Variants in KLRG1 observed in about 807,000 individuals in gnomAD.
The protein encoded by KLRG1 is killer cell lectin like receptor G1.
Under a neutral mutation model 21.8 loss-of-function variants are expected in KLRG1, and 16 were observed. The ratio of observed to expected loss-of-function variants is 0.73; its 90% confidence interval spans 0.50 to 1.11. The LOEUF is 1.11. KLRG1 is among the 50% of genes most tolerant of loss of function. The pLI is 0.00. For synonymous variants in KLRG1, 69 were observed against 75.9 expected, an observed-to-expected ratio of 0.91 and a Z score of 0.47; for missense variants, 173 against 218.3, an observed-to-expected ratio of 0.79 and a Z score of 1.31.
At chr12:9,040,124 G>A in the KLRG1 span, among the ~76,000 whole-genome samples, 1 of 152,168 alleles carries the variant, frequency 6.6e-6, no homozygotes, top group African/African-American at 2.4e-5. Flanking sequence ...CTGAAAAGTA[G>A]GAGAGAAGTA....
the KLRG1 span, chr12:9,074,680 C>T: frequency 6.2e-7 from 1 of 1,613,948 alleles, no homozygotes; most frequent in Non-Finnish European, 8.5e-7. Context: ...AAGCGAGGAG[C>T]ACATAGGATG....
At chr12:9,089,815 A>G in the KLRG1 span, 1 of 914,598 alleles carries the variant, frequency 1.1e-6, no homozygotes. Context: ...ATACATGAGA[A>G]TAATATTATA....
the KLRG1 span, among the ~76,000 whole-genome samples, chr12:9,171,894 T>C: frequency 3.3e-5 from 5 of 152,020 alleles, no homozygotes; most frequent in Non-Finnish European, 5.9e-5. Context: ...ACAGGGAGAA[T>C]GGAACCAAGT....
At chr12:9,095,771 G>C in the KLRG1 span, 2 of 656,692 alleles carry the variant, frequency 3.0e-6, no homozygotes, top group Non-Finnish European at 4.2e-6. Context: ...TTTTTTTTTT[G>C]AGACGGAGTC....
At chr12:9,203,743 A>T in the KLRG1 span, 1 of 1,612,962 alleles carries the variant, frequency 6.2e-7, no homozygotes, top group African/African-American at 1.3e-5. Context: ...AAGCAGGGAT[A>T]GCCAGCTGGC....
the KLRG1 span, among the ~76,000 whole-genome samples, chr12:9,172,333 C>T: frequency 6.6e-6 from 1 of 152,154 alleles, no homozygotes; most frequent in African/African-American, 2.4e-5. Flanking sequence ...GCAAGAGCTC[C>T]TGAAGAAAGC....
At chr12:9,057,516 T>TA in the KLRG1 span, 2 of 152,328 alleles carry the variant, frequency 1.3e-5, no homozygotes, top group African/African-American at 4.8e-5. Flanking sequence ...CTATATAAAG[T>TA]AAAAAAGAAA....
At chr12:9,026,613 A>G in the KLRG1 span, among the ~76,000 whole-genome samples, 9 of 151,926 alleles carry the variant, frequency 5.9e-5, 1 homozygote, top group African/African-American at 2.4e-5. Context: ...TAAGTTAGTT[A>G]TTTGTATTTC....
At chr12:9,123,053 C>T in the KLRG1 span, among the ~76,000 whole-genome samples, 4 of 151,968 alleles carry the variant, frequency 2.6e-5, no homozygotes, top group African/African-American at 9.7e-5. Context: ...GAAAATAAAA[C>T]ATGTTAATTT....
chr12:9,137,772 T>C, the KLRG1 span, among the ~76,000 whole-genome samples: 1 of 152,114 alleles, frequency 6.6e-6, no homozygotes, highest in African/African-American at 2.4e-5. Flanking sequence ...TTAATTCTTT[T>C]TTGTGCTATT....
the KLRG1 span, chr12:9,111,633 T>C: frequency 2.4e-6 from 1 of 418,110 alleles, no homozygotes; most frequent in Non-Finnish European, 4.7e-6. Context: ...AAGAGTTGCC[T>C]CTTTTTGAGA....
chr12:8,990,634 G>A (rs1946940222), intron 1 of KLRG1, among the ~76,000 whole-genome samples: 1 of 151,936 alleles, frequency 6.6e-6, no homozygotes, highest in Non-Finnish European at 1.5e-5. Context: ...AATTTCTAAG[G>A]AATAGAAATA....
chr12:9,165,581 T>A, the KLRG1 span, among the ~76,000 whole-genome samples: 1 of 152,174 alleles, frequency 6.6e-6, no homozygotes. Context: ...CAACAAATGA[T>A]CATATCCCAC....
the KLRG1 span, chr12:9,157,127 G>T: frequency 6.4e-7 from 1 of 1,557,792 alleles, no homozygotes; most frequent in Non-Finnish European, 8.8e-7. Context: ...TCCCCTCCCT[G>T]TGTCTATGTG....
At chr12:9,038,172 A>C in the KLRG1 span, among the ~76,000 whole-genome samples, 1 of 152,144 alleles carries the variant, frequency 6.6e-6, no homozygotes, top group Non-Finnish European at 1.5e-5. Context: ...GAGGCTGGAG[A>C]CTCGCTTGAG....
the KLRG1 span, chr12:9,160,083 A>G: frequency 6.7e-7 from 1 of 1,497,050 alleles, no homozygotes; most frequent in African/African-American, 1.4e-5. Context: ...GGCCATCCAT[A>G]TGTTTAGGCT....
At chr12:9,095,162 T>C in the KLRG1 span, 2 of 733,618 alleles carry the variant, frequency 2.7e-6, no homozygotes, top group Non-Finnish European at 4.2e-6. Flanking sequence ...TTTATTGAAT[T>C]TGACAAGCAA....
chr12:9,166,102 C>A, the KLRG1 span: 1 of 1,612,350 alleles, frequency 6.2e-7, no homozygotes, highest in Non-Finnish European at 8.5e-7. Context: ...AGCTTCGCAC[C>A]GTTTCAGGGA....
chr12:9,151,718 G>T, the KLRG1 span: 2 of 1,486,620 alleles, frequency 1.3e-6, no homozygotes, highest in South Asian at 1.1e-5. Flanking sequence ...GAACAGATGT[G>T]AGAATGGTGT....
Sources: allele counts gnomAD v4.1 joint callset (sites outside exome capture counted in the v4.1 genomes callset), GRCh38; gene constraint gnomAD v4.1.1; transcripts MANE v1.5; gene names NCBI Gene and HGNC (gene_info 2026-07-23, HGNC 2026-07-21).